The following ANKS1B variants were observed in gnomAD, a reference collection of about 807,000 sequenced individuals.
ANKS1B encodes the protein ankyrin repeat and sterile alpha motif domain-containing protein 1B.
Under a neutral mutation model 148.3 loss-of-function variants are expected in ANKS1B, and 36 were observed. The ratio of observed to expected loss-of-function variants is 0.24; its 90% CI spans 0.19 to 0.32. The LOEUF (loss-of-function observed/expected upper bound fraction) is 0.32. Ranked by LOEUF, ANKS1B falls within the 10% of genes least tolerant of loss-of-function variation. ANKS1B has a pLI of 1.00. For synonymous variants in ANKS1B, 542 were observed against 560.8 expected (o/e 0.97, Z 0.47); for missense variants, 1,157 against 1,542.6 (o/e 0.75, Z 4.19).
At chr12:99,491,326 T>C (rs2096553540) in intron 10 of ANKS1B, among the ~76,000 whole-genome samples, 1 of 151,964 alleles carries the variant, frequency 6.6e-6, no homozygotes, top group African/African-American at 2.4e-5. Context: ...AAAGCTTAAT[T>C]GTTAGTATGT....
At chr12:99,980,495 C>T (rs1401212832) in intron 1 of ANKS1B, among the ~76,000 whole-genome samples, 2 of 151,938 alleles carry the variant, frequency 1.3e-5, no homozygotes, top group African/African-American at 2.4e-5. Flanking sequence ...ACTATAAATG[C>T]TTCTTGTAAC....
In ANKS1B at chr12:99,819,700, T is replaced by A. The variant is rs898211171; in HGVS notation, c.215+5609A>T. On this transcript the variant is annotated intron_variant, in intron 2 of 26. Coordinates refer to ENST00000683438, the MANE Select transcript of ANKS1B (RefSeq NM_001352186.2). ...TAAACTTAAGAAGAAAATAAGGAAC[T>A]ATTTGTTAAGTAGAGAAGAAAAATT... 7.2e-5 allele frequency among the ~76,000 whole-genome samples: 11 copies of A among 151,886 alleles called. No individual in the cohort carries two copies. The East Asian group carries it at 2.1e-3, about 29-fold the overall frequency.
intron 17 of ANKS1B, among the ~76,000 whole-genome samples, chr12:98,920,820 A>T (rs1395910979): frequency 6.6e-6 from 1 of 152,234 alleles, no homozygotes; most frequent in African/African-American, 2.4e-5. Context: ...TCTTTAAATC[A>T]TTGATCTCAA....
At chr12:99,578,767 T>C (rs774305201) in intron 9 of ANKS1B, among the ~76,000 whole-genome samples, 1 of 152,094 alleles carries the variant, frequency 6.6e-6, no homozygotes, top group Non-Finnish European at 1.5e-5. Context: ...AAAATGGCCA[T>C]GCTGCCCATA....
chr12:98,966,782 C>T (rs542754677), intron 17 of ANKS1B, among the ~76,000 whole-genome samples: 45 of 150,878 alleles, frequency 3.0e-4, no homozygotes, highest in African/African-American at 9.3e-4. Flanking sequence ...AGCAAACTAT[C>T]GCAAGGATAA....
intron 14 of ANKS1B, among the ~76,000 whole-genome samples, chr12:99,216,018 G>A (rs2084114306): frequency 1.3e-5 from 2 of 152,172 alleles, no homozygotes; most frequent in Non-Finnish European, 2.9e-5. Flanking sequence ...GGGCCCTGGA[G>A]GGAGGTAATT....
chr12:99,455,102 A>T (rs2152834037), intron 10 of ANKS1B, among the ~76,000 whole-genome samples: 1 of 152,034 alleles, frequency 6.6e-6, no homozygotes, highest in African/African-American at 2.4e-5. Flanking sequence ...TGTCTTAACA[A>T]CCTATTCTTT....
At position 99,793,157 on chromosome 12, in the gene ANKS1B, A is replaced by G. The variant is rs569526196; in HGVS notation, c.670-11060T>C. On this transcript the variant is annotated intron_variant, in intron 4 of 26. Transcript: ENST00000683438. ...AATAAATGAAAAATCTCTACAATGA[A>G]AACTGTAAAATACTGATGAAAGAAA... Among the ~76,000 whole-genome samples, 8 of 152,190 alleles carry G rather than the reference A, an allele frequency of 5.3e-5. 1 individual carries two copies. Among genetic ancestry groups the G allele is most frequent in the African/African-American group, 1.9e-4 (8 of 41,574 alleles).
chr12:99,547,176 T>G (rs748237745), intron 9 of ANKS1B, among the ~76,000 whole-genome samples: 1 of 152,112 alleles, frequency 6.6e-6, no homozygotes, highest in Non-Finnish European at 1.5e-5. Context: ...TTCTAGATCT[T>G]AGACTTGAAG....
intron 11 of ANKS1B, among the ~76,000 whole-genome samples, chr12:99,422,407 A>G (rs182896009): frequency 1.3e-4 from 20 of 152,368 alleles, no homozygotes; most frequent in African/African-American, 4.6e-4. Flanking sequence ...TCCTATGAAG[A>G]AATAGAACTT....
chr12:99,258,457 A>G (rs539750049), intron 12 of ANKS1B, among the ~76,000 whole-genome samples: 7 of 152,214 alleles, frequency 4.6e-5, no homozygotes, highest in African/African-American at 1.7e-4. Context: ...AAATAATCAT[A>G]GAGTGTGTTT....
intron 14 of ANKS1B, chr12:99,154,826 C>G: frequency 1.3e-6 from 2 of 1,518,858 alleles, no homozygotes; most frequent in Non-Finnish European, 1.8e-6. Context: ...GTATGCAGCT[C>G]CATGCTCCTT....
chr12:99,803,115 G>A (rs2067158520), intron 4 of ANKS1B, among the ~76,000 whole-genome samples: 1 of 151,938 alleles, frequency 6.6e-6, no homozygotes, highest in South Asian at 2.1e-4. Flanking sequence ...GCAGTTTAAT[G>A]AATATTAAAT....
intron 22 of ANKS1B, among the ~76,000 whole-genome samples, chr12:98,796,975 A>C (rs1014288731): frequency 5.3e-5 from 8 of 152,212 alleles, no homozygotes; most frequent in South Asian, 2.1e-4. Flanking sequence ...TGCACTAGGC[A>C]ATACTGATGC....
At chr12:99,381,055 C>T (rs1341742272) in intron 12 of ANKS1B, among the ~76,000 whole-genome samples, 1 of 152,018 alleles carries the variant, frequency 6.6e-6, no homozygotes, top group Non-Finnish European at 1.5e-5. Context: ...ATTATGCTGC[C>T]ACAAGAGGAG....
At chr12:99,413,928 G>A (rs1027983925) in intron 11 of ANKS1B, among the ~76,000 whole-genome samples, 7 of 151,574 alleles carry the variant, frequency 4.6e-5, no homozygotes, top group African/African-American at 1.5e-4. Flanking sequence ...CACCACCCTC[G>A]CCCACACACA....
intron 17 of ANKS1B, among the ~76,000 whole-genome samples, chr12:98,930,324 G>C (rs147237425): frequency 2.0e-5 from 3 of 152,244 alleles, no homozygotes; most frequent in Non-Finnish European, 2.9e-5. Flanking sequence ...ACTCTCATAT[G>C]TTACTGGTGG....
chr12:99,003,758 C>T (rs1463368682), intron 17 of ANKS1B, among the ~76,000 whole-genome samples: 2 of 152,174 alleles, frequency 1.3e-5, no homozygotes, highest in African/African-American at 2.4e-5. Flanking sequence ...GCAGACCTCC[C>T]GGTTTGCCAT....
chr12:98,996,812 CAAAAAAAA>C (rs1160748107), intron 17 of ANKS1B, among the ~76,000 whole-genome samples: 2 of 40,628 alleles, frequency 4.9e-5, no homozygotes, highest in Non-Finnish European at 8.6e-5. Context: ...GACTCTATCT[CAAAAAAAA>C]AAAAAAAAAA....
Sources: gnomAD v4.1 joint callset for allele counts (sites outside exome capture counted in the v4.1 genomes callset) on GRCh38, gnomAD v4.1.1 for gene constraint, MANE v1.5 for transcripts, NCBI Gene and HGNC (gene_info 2026-07-23, HGNC 2026-07-21) for gene names.